NAV1: variants seen among roughly 807,000 people sequenced by gnomAD.
The protein encoded by NAV1 is neuron navigator 1.
Under a neutral mutation model 175.2 loss-of-function variants are expected in NAV1, and 18 were observed. That is an observed-to-expected ratio of 0.10 (90% CI 0.07 to 0.15). NAV1 has a LOEUF of 0.15. NAV1 is among the 10% of genes least tolerant of loss of function. The probability of loss-of-function intolerance (pLI) is 1.00; values close to 1 mark genes in which losing one functional copy is unlikely to be tolerated. For missense variants in NAV1, 1,731 were observed against 2,436.6 expected, an observed-to-expected ratio of 0.71 and a Z score of 6.10; for synonymous variants, 897 against 978.7, an observed-to-expected ratio of 0.92 and a Z score of 1.56.
intron 2 of NAV1, among the ~76,000 whole-genome samples, chr1:201,615,226 T>C (rs534124795): frequency 6.6e-6 from 1 of 152,134 alleles, no homozygotes; most frequent in African/African-American, 2.4e-5. Context: ...GCTGTTCTCC[T>C]TAACATAATT....
In NAV1 at chr1:201,808,440, C is replaced by T. The variant is rs2292822; in HGVS notation, c.3868C>T (p.His1290Tyr). 18 of 1,613,256 alleles carry T rather than the reference C, an allele frequency of 1.1e-5. No individual in the cohort carries two copies. The highest frequency in any genetic ancestry group is 1.3e-5 in the African/African-American group (1 of 74,922). ...CAGGGGCCCTGCTCACCCAGCCCCC[C>T]ACACTAGGCTGTTCCATGCAAATGA... The change falls in exon 19 of 30, where the codon CAC becomes TAC. Residue 1290 changes from histidine (H) to tyrosine (Y), a missense_variant. Transcript: ENST00000367296. The surrounding 1 kb of genome is among the most constrained non-coding windows in gnomAD (Gnocchi z 5.5).
At chr1:201,683,410 T>C (rs1670546216) in intron 1 of NAV1, among the ~76,000 whole-genome samples, 2 of 152,044 alleles carry the variant, frequency 1.3e-5, no homozygotes, top group South Asian at 2.1e-4. Flanking sequence ...GTGGAGATGG[T>C]TTTGAGATGA....
At position 201,545,379 on chromosome 1, in the gene NAV1, T is replaced by G. The variant is rs552851892; in HGVS notation, c.-144+6037T>G. ...TCTTTTCTTTTTTTTTTTAATTAAT[T>G]TATTTATTTTTATTTATTTATTTTT... On this transcript the variant is annotated intron_variant, in intron 1 of 33. Coordinates refer to the NAV1 transcript ENST00000685211. Among the ~76,000 whole-genome samples, 16 of 151,608 alleles carry G rather than the reference T, an allele frequency of 1.1e-4. No individual in the cohort carries two copies. The South Asian group carries it at 1.5e-3, about 14-fold the overall frequency.
At chr1:201,735,210 T>C (rs752299623) in intron 3 of NAV1, among the ~76,000 whole-genome samples, 32 of 152,184 alleles carry the variant, frequency 2.1e-4, no homozygotes, top group South Asian at 6.2e-4. Flanking sequence ...TGGCAAGAAG[T>C]GGTGCCATTG....
At position 201,718,282 on chromosome 1, in the gene NAV1, T is replaced by G; in HGVS notation, c.861-108T>G. Reference sequence around the variant, plus strand: ...GGAGCTTGGGCAGGTGGGGAGGAGGTGACAGGGCCTGTGGGTGGAGGGGAG... The same window carrying G: ...GGAGCTTGGGCAGGTGGGGAGGAGGGGACAGGGCCTGTGGGTGGAGGGGAG... On this transcript the variant is annotated intron_variant, in intron 2 of 29. Transcript: ENST00000367296. This position sits in a 1 kb window ranked among gnomAD's most constrained non-coding sequence, Gnocchi z 4.8. 3 of 1,246,508 alleles carry G rather than the reference T, an allele frequency of 2.4e-6. No homozygotes were observed. The highest frequency in any genetic ancestry group is 2.7e-5 in the East Asian group (1 of 37,662). 77.2% of individuals were successfully genotyped at this position (1,246,508 alleles called of 1,614,324 possible).
chr1:201,653,513 A>C (rs1047010567), intron 1 of NAV1, among the ~76,000 whole-genome samples: 2 of 151,730 alleles, frequency 1.3e-5, no homozygotes, highest in Non-Finnish European at 2.9e-5. Flanking sequence ...GGGGAGGGGC[A>C]GTGCAAGGGG....
At chr1:201,550,334 G>C (rs1480783296) in intron 1 of NAV1, among the ~76,000 whole-genome samples, 1 of 151,846 alleles carries the variant, frequency 6.6e-6, no homozygotes, top group Non-Finnish European at 1.5e-5. Context: ...ACCACACCCG[G>C]CTAATTTTTG....
intron 1 of NAV1, among the ~76,000 whole-genome samples, chr1:201,664,235 G>C (rs563569283): frequency 1.3e-5 from 2 of 152,230 alleles, no homozygotes; most frequent in South Asian, 2.1e-4. Context: ...CCAGCTACTC[G>C]GGAGGCTGAG....
chr1:201,722,091 TTA>T (rs774577891), intron 3 of NAV1, among the ~76,000 whole-genome samples: 4 of 152,062 alleles, frequency 2.6e-5, no homozygotes, highest in Non-Finnish European at 5.9e-5. Flanking sequence ...AAAATTGTGG[TTA>T]TATATATATA....
intron 1 of NAV1, among the ~76,000 whole-genome samples, chr1:201,655,596 G>A (rs1192010922): frequency 3.9e-5 from 6 of 152,214 alleles, no homozygotes; most frequent in Admixed American, 1.3e-4. Flanking sequence ...GGACACCAGC[G>A]CCTTCAGGGT....
chr1:201,571,695 T>A (rs546652863), intron 1 of NAV1, among the ~76,000 whole-genome samples: 7 of 152,382 alleles, frequency 4.6e-5, no homozygotes, highest in Non-Finnish European at 1.0e-4. Context: ...TAGAATTGCT[T>A]ATTATGACCT....
chr1:201,641,085 TA>T (rs761320942), intron 2 of NAV1, among the ~76,000 whole-genome samples: 9 of 152,192 alleles, frequency 5.9e-5, no homozygotes, highest in Non-Finnish European at 8.8e-5. Flanking sequence ...ACTCTAATTC[TA>T]CCTCCAAAAC....
exon 29 of NAV1, chr1:201,817,194 C>A: frequency 6.2e-7 from 1 of 1,614,206 alleles, no homozygotes; most frequent in Non-Finnish European, 8.5e-7. Flanking sequence ...CACCTGCCCC[C>A]ACCCACCGTG....
chr1:201,658,060 A>G (rs1669472471), intron 1 of NAV1, among the ~76,000 whole-genome samples: 1 of 152,144 alleles, frequency 6.6e-6, no homozygotes, highest in Non-Finnish European at 1.5e-5. Context: ...CAAAGCCAGT[A>G]AAGCAAGCGA....
At chr1:201,616,746 CAAAGTG>C (rs1668013680) in intron 2 of NAV1, among the ~76,000 whole-genome samples, 1 of 152,346 alleles carries the variant, frequency 6.6e-6, no homozygotes, top group Admixed American at 6.5e-5. Context: ...CTCGGCCTCC[CAAAGTG>C]CTGGGATTAT....
intron 3 of NAV1, among the ~76,000 whole-genome samples, chr1:201,748,287 C>T (rs1347662524): frequency 6.6e-6 from 1 of 152,132 alleles, no homozygotes; most frequent in African/African-American, 2.4e-5. Flanking sequence ...CAATTGCTTT[C>T]ATCTTTTATG....
At chr1:201,668,723 C>G (rs1378502793) in intron 1 of NAV1, among the ~76,000 whole-genome samples, 2 of 152,166 alleles carry the variant, frequency 1.3e-5, no homozygotes, top group African/African-American at 2.4e-5. Flanking sequence ...ACACTGGTTC[C>G]TAGTCTCGTG....
chr1:201,562,400 C>T (rs916176743), intron 1 of NAV1, among the ~76,000 whole-genome samples: 2 of 152,174 alleles, frequency 1.3e-5, no homozygotes, highest in Admixed American at 6.5e-5. Flanking sequence ...GTGGAGACAT[C>T]TGGATGGCAG....
rs764483919 is a variant in NAV1, at chr1:201,798,695, C to CTTTTTTTTTT, written c.3517+4134_3517+4143dup. ...AAGAATTACTGTTCATTTTCTCTCTCTTTTTTTTTTTTTTTTTTTTTTTTT... is the reference window on the plus strand; with the variant it reads ...AAGAATTACTGTTCATTTTCTCTCTCTTTTTTTTTTTTTTTTTTTTTTTTTTTTTTTTTTT... On this transcript the variant is annotated intron_variant, in intron 15 of 29. Coordinates refer to ENST00000367296, the Ensembl canonical transcript of NAV1. 1.2e-4 allele frequency: 8 copies of CTTTTTTTTTT among 69,476 alleles called. 1 individual carries two copies. The highest frequency in any genetic ancestry group is 3.0e-4 in the African/African-American group (5 of 16,704). The allele number at this position is 69,476 out of a possible 1,614,324, so 4.3% of individuals were successfully genotyped here.
Sources: allele counts gnomAD v4.1 joint callset (sites outside exome capture counted in the v4.1 genomes callset), GRCh38; gene constraint gnomAD v4.1.1; non-coding constraint Gnocchi (gnomAD v3.1); transcripts MANE v1.5; gene names NCBI Gene and HGNC (gene_info 2026-07-23, HGNC 2026-07-21).